Variants in KHDRBS2 observed in about 807,000 individuals in gnomAD.
KHDRBS2 encodes the protein KH domain-containing, RNA-binding, signal transduction-associated protein 2.
In KHDRBS2, 26 loss-of-function variants were observed where a neutral mutation model predicts 44.3. The ratio of observed to expected loss-of-function variants is 0.59; its 90% CI spans 0.43 to 0.81. The LOEUF is 0.81. Ranked by LOEUF, KHDRBS2 falls within the 40% of genes least tolerant of loss-of-function variation. The pLI, the probability that KHDRBS2 is intolerant of heterozygous loss-of-function variation, is 0.00. For missense variants in KHDRBS2, 476 were observed against 433.1 expected, an observed-to-expected ratio of 1.10 and a Z score of -0.88; for synonymous variants, 194 against 151.1, an observed-to-expected ratio of 1.28 and a Z score of -2.08.
At chr6:61,711,534 A>G (rs1302981806) in intron 7 of KHDRBS2, among the ~76,000 whole-genome samples, 2 of 151,940 alleles carry the variant, frequency 1.3e-5, no homozygotes, top group Non-Finnish European at 2.9e-5. Flanking sequence ...TTAATTTAGA[A>G]ACAACCTAAG....
chr6:61,910,768 T>C (rs1386617601), intron 4 of KHDRBS2, among the ~76,000 whole-genome samples: 1 of 152,202 alleles, frequency 6.6e-6, no homozygotes, highest in Non-Finnish European at 1.5e-5. Context: ...CAGGTTAAAT[T>C]CAGGATAGTA....
chr6:62,080,947 C>A (rs566226511), intron 2 of KHDRBS2, among the ~76,000 whole-genome samples: 1 of 152,124 alleles, frequency 6.6e-6, no homozygotes, highest in Non-Finnish European at 1.5e-5. Context: ...CTTCCTTTGT[C>A]CCTCTAGGCC....
intron 2 of KHDRBS2, among the ~76,000 whole-genome samples, chr6:62,154,296 C>T (rs1439970591): frequency 6.6e-6 from 1 of 152,132 alleles, no homozygotes; most frequent in African/African-American, 2.4e-5. Flanking sequence ...GCTCCCTTTC[C>T]CATCCCTAAT....
intron 1 of KHDRBS2, among the ~76,000 whole-genome samples, chr6:62,264,006 C>T (rs774815004): frequency 3.3e-5 from 5 of 151,686 alleles, no homozygotes; most frequent in East Asian, 1.9e-4. Flanking sequence ...GTCAGGTACA[C>T]GGTTTTGCAC....
intron 4 of KHDRBS2, among the ~76,000 whole-genome samples, chr6:61,940,414 C>T (rs145048814): frequency 3.3e-5 from 5 of 152,194 alleles, no homozygotes; most frequent in African/African-American, 9.6e-5. Context: ...CCTCAATCCT[C>T]GCCGGCCCTA....
chr6:61,899,735 C>A (rs937448334), intron 5 of KHDRBS2, among the ~76,000 whole-genome samples: 1 of 127,400 alleles, frequency 7.8e-6, no homozygotes, highest in South Asian at 2.8e-4. Flanking sequence ...GTTTTAATGC[C>A]CCCCCCCCGC....
At chr6:62,229,532 C>A (rs1832541070) in intron 1 of KHDRBS2, among the ~76,000 whole-genome samples, 1 of 152,198 alleles carries the variant, frequency 6.6e-6, no homozygotes, top group Non-Finnish European at 1.5e-5. Context: ...GTGCTTGTTG[C>A]CCCTCCCCAC....
intron 2 of KHDRBS2, among the ~76,000 whole-genome samples, chr6:62,077,723 C>T (rs781142529): frequency 7.9e-5 from 12 of 152,084 alleles, no homozygotes; most frequent in Middle Eastern, 6.8e-3. Context: ...ATTATACCTT[C>T]GGTTATGCTC....
chr6:61,799,883 T>C (rs1191275492), intron 6 of KHDRBS2, among the ~76,000 whole-genome samples: 2 of 152,102 alleles, frequency 1.3e-5, no homozygotes, highest in East Asian at 1.9e-4. Flanking sequence ...GTATTATGTA[T>C]AAAAGTGATG....
At chr6:61,672,786 T>G in the KHDRBS2 span, among the ~76,000 whole-genome samples, 1 of 149,566 alleles carries the variant, frequency 6.7e-6, no homozygotes, top group Non-Finnish European at 1.5e-5. Context: ...TTTTCTCCCA[T>G]TTTGTAGGTT....
chr6:61,829,597 A>G (rs1218371776), intron 6 of KHDRBS2, among the ~76,000 whole-genome samples: 2 of 152,222 alleles, frequency 1.3e-5, no homozygotes, highest in Non-Finnish European at 1.5e-5. Flanking sequence ...ACTTATTAAA[A>G]CTATTTATCA....
intron 6 of KHDRBS2, among the ~76,000 whole-genome samples, chr6:61,773,157 G>T (rs1444960118): frequency 6.6e-6 from 1 of 151,724 alleles, no homozygotes; most frequent in African/African-American, 2.4e-5. Flanking sequence ...TATATACCCA[G>T]TAATGGGATG....
At chr6:61,776,017 C>T (rs1283821852) in intron 6 of KHDRBS2, among the ~76,000 whole-genome samples, 1 of 152,104 alleles carries the variant, frequency 6.6e-6, no homozygotes, top group South Asian at 2.1e-4. Flanking sequence ...CTTTGACAAA[C>T]CTGAGAAAAA....
intron 4 of KHDRBS2, among the ~76,000 whole-genome samples, chr6:61,977,080 T>C (rs1772828753): frequency 6.6e-6 from 1 of 152,156 alleles, no homozygotes; most frequent in Admixed American, 6.6e-5. Context: ...GCTTTTAAAT[T>C]CTTGAAATTC....
chr6:62,246,418 T>C (rs1185906446), intron 1 of KHDRBS2, among the ~76,000 whole-genome samples: 2 of 152,040 alleles, frequency 1.3e-5, no homozygotes, highest in Non-Finnish European at 1.5e-5. Context: ...CTACTGCTAA[T>C]AGTTCATTTT....
At chr6:61,555,276 T>C in the KHDRBS2 span, among the ~76,000 whole-genome samples, 4 of 152,222 alleles carry the variant, frequency 2.6e-5, no homozygotes, top group Non-Finnish European at 2.9e-5. Context: ...TCTGAGATGC[T>C]TTCCTCAGCT....
chr6:62,109,215 C>A (rs1359858368), intron 2 of KHDRBS2, among the ~76,000 whole-genome samples: 1 of 151,832 alleles, frequency 6.6e-6, no homozygotes, highest in East Asian at 1.9e-4. Context: ...ACCATATTAA[C>A]AATCTAAACA....
intron 2 of KHDRBS2, among the ~76,000 whole-genome samples, chr6:62,080,037 T>C (rs1797095204): frequency 6.6e-6 from 1 of 151,854 alleles, no homozygotes; most frequent in African/African-American, 2.4e-5. Context: ...ATATATATAT[T>C]TATAAATAAA....
intron 2 of KHDRBS2, among the ~76,000 whole-genome samples, chr6:62,101,062 C>T (rs1363098700): frequency 1.3e-5 from 2 of 152,102 alleles, no homozygotes; most frequent in Admixed American, 1.3e-4. Flanking sequence ...TACAGCAAGA[C>T]AAGCATTATA....
Sources: allele counts gnomAD v4.1 joint callset (sites outside exome capture counted in the v4.1 genomes callset), GRCh38; gene constraint gnomAD v4.1.1; transcripts MANE v1.5; gene names NCBI Gene and HGNC (gene_info 2026-07-23, HGNC 2026-07-21).